The following SLMAP variants were observed in gnomAD, a reference collection of about 807,000 sequenced individuals.
SLMAP encodes sarcolemmal membrane-associated protein.
Under a neutral mutation model 128.8 loss-of-function variants are expected in SLMAP, and 44 were observed. The ratio of observed to expected loss-of-function variants is 0.34; its 90% CI spans 0.27 to 0.44. The LOEUF (loss-of-function observed/expected upper bound fraction) is 0.44. Ranked by LOEUF, SLMAP falls within the 20% of genes least tolerant of loss-of-function variation. The pLI is 1.00. For missense variants in SLMAP, 787 were observed against 985.3 expected (o/e 0.80, Z 2.69); for synonymous variants, 327 against 348.8 (o/e 0.94, Z 0.70).
At chr3:57,843,775 C>CTTTTTTTTTTTTTTTTTTTTTTTT (rs775541858) in intron 4 of SLMAP, among the ~76,000 whole-genome samples, 7 of 77,124 alleles carry the variant, frequency 9.1e-5, no homozygotes, top group African/African-American at 2.0e-4. Context: ...TCTTTTCTTT[C>CTTTTTTTTTTTTTTTTTTTTTTTT]TTTTTTTTTT....
chr3:57,777,080 T>C (rs777855552), intron 2 of SLMAP, among the ~76,000 whole-genome samples: 21 of 134,172 alleles, frequency 1.6e-4, no homozygotes, highest in Non-Finnish European at 1.1e-4. Flanking sequence ...ATGGAAGTAC[T>C]AGCGTAAGAA....
At chr3:57,924,251 A>C (rs2096963492) in intron 23 of SLMAP, among the ~76,000 whole-genome samples, 1 of 152,178 alleles carries the variant, frequency 6.6e-6, no homozygotes, top group Non-Finnish European at 1.5e-5. Context: ...CACCTATGGT[A>C]TTAAAATATT....
intron 2 of SLMAP, among the ~76,000 whole-genome samples, chr3:57,783,226 A>ACGTG (rs1038155737): frequency 4.3e-4 from 66 of 152,306 alleles, no homozygotes; most frequent in African/African-American, 1.5e-3. Flanking sequence ...AGAAGGGGAA[A>ACGTG]CGTGTATCAA....
chr3:57,916,863 G>T (rs1448450580), intron 21 of SLMAP, 43 bp from the exon 22 acceptor site: 6 of 1,560,794 alleles, frequency 3.8e-6, no homozygotes, highest in Non-Finnish European at 5.3e-6. Flanking sequence ...TCTGTGTCCA[G>T]TTTCTACCTG....
At chr3:57,774,972 C>T (rs567125062) in intron 2 of SLMAP, among the ~76,000 whole-genome samples, 5 of 152,186 alleles carry the variant, frequency 3.3e-5, no homozygotes, top group African/African-American at 1.2e-4. Context: ...ATATTTAAGT[C>T]CTGCTGCCAA....
At chr3:57,848,219 C>T (rs545989417) in intron 5 of SLMAP, among the ~76,000 whole-genome samples, 3 of 150,320 alleles carry the variant, frequency 2.0e-5, no homozygotes, top group Non-Finnish European at 4.4e-5. Flanking sequence ...CTTCTTTCCT[C>T]CTTTTCCTCC....
intron 2 of SLMAP, among the ~76,000 whole-genome samples, chr3:57,770,080 C>T (rs1201672231): frequency 6.6e-6 from 1 of 152,156 alleles, no homozygotes; most frequent in Non-Finnish European, 1.5e-5. Context: ...GATTAGAAGA[C>T]AGTATTCATT....
intron 2 of SLMAP, among the ~76,000 whole-genome samples, chr3:57,815,027 T>C (rs1033473919): frequency 3.9e-5 from 6 of 152,052 alleles, no homozygotes; most frequent in South Asian, 2.1e-4. Context: ...TCCAGCAGTC[T>C]CCAACCTTTT....
intron 18 of SLMAP, 53 bp from the exon 19 acceptor site, chr3:57,909,023 G>A: frequency 7.9e-7 from 1 of 1,262,526 alleles, no homozygotes; most frequent in Non-Finnish European, 1.1e-6. Flanking sequence ...TCAACTCTGA[G>A]TACTTTCATT....
intron 2 of SLMAP, among the ~76,000 whole-genome samples, chr3:57,814,065 GAGTT>G: frequency 6.6e-6 from 1 of 150,616 alleles, no homozygotes; most frequent in Middle Eastern, 3.5e-3. Context: ...TGAATAGAGT[GAGTT>G]ATGACCTTCT....
intron 13 of SLMAP, among the ~76,000 whole-genome samples, chr3:57,869,976 C>G (rs1560340163): frequency 6.6e-6 from 1 of 151,558 alleles, no homozygotes; most frequent in Non-Finnish European, 1.5e-5. Context: ...GGTTCTCTAT[C>G]TTTTTATATT....
At chr3:57,925,792 A>G in intron 23 of SLMAP, 53 bp from the exon 24 acceptor site, 1 of 1,305,582 alleles carries the variant, frequency 7.7e-7, no homozygotes, top group East Asian at 2.5e-5. Flanking sequence ...GAATCCTCTT[A>G]TCTGATTACT....
chr3:57,858,285 G>A, intron 8 of SLMAP, 126 bp downstream of exon 8: 2 of 648,518 alleles, frequency 3.1e-6, no homozygotes, highest in Non-Finnish European at 5.6e-6. Flanking sequence ...TAAATCTTTT[G>A]TGCTGAGAAA....
chr3:57,791,829 A>C (rs1019471532), intron 2 of SLMAP, among the ~76,000 whole-genome samples: 4 of 152,064 alleles, frequency 2.6e-5, no homozygotes, highest in Admixed American at 6.6e-5. Flanking sequence ...ATTTTAATAG[A>C]TCTGTTTATT....
intron 2 of SLMAP, among the ~76,000 whole-genome samples, chr3:57,804,838 G>A (rs894580204): frequency 6.6e-6 from 1 of 152,256 alleles, no homozygotes; most frequent in Non-Finnish European, 1.5e-5. Context: ...CACTGTAAAT[G>A]ATCTTCTCCT....
chr3:57,760,982 C>T (rs1482853169), intron 2 of SLMAP, among the ~76,000 whole-genome samples: 1 of 151,494 alleles, frequency 6.6e-6, no homozygotes, highest in Non-Finnish European at 1.5e-5. Flanking sequence ...CCACCTCAGC[C>T]TCCCAAAGTG....
At position 57,847,217 on chromosome 3, in the gene SLMAP, C is replaced by A; in HGVS notation, c.440C>A (p.Pro147Gln). ...LRSDVIHAPL[P>Q]SPVDKVAANT... The stretch of plus-strand genomic sequence containing the variant: ...TTCAGTGTCATCCATGCACCATTAC[C>A]AAGTCCTGTTGACAAAGTAAGTTGC... The change falls in exon 5 of 25, where the codon CCA becomes CAA. Residue 147 changes from proline to glutamine, a missense_variant. Around this residue, in one of 2 missense-constraint regions of SLMAP, gnomAD observed 715 missense variants for 843.6 expected, o/e 0.85. Coordinates refer to ENST00000671191, the MANE Select transcript of SLMAP (RefSeq NM_001377540.1). 1 of 1,609,426 alleles carries A rather than the reference C, an allele frequency of 6.2e-7. No individual in the cohort carries two copies. The highest frequency in any genetic ancestry group is 1.7e-5 in the Admixed American group (1 of 59,698).
At chr3:57,834,848 A>G in intron 3 of SLMAP, among the ~76,000 whole-genome samples, 1 of 152,132 alleles carries the variant, frequency 6.6e-6, no homozygotes, top group Admixed American at 6.6e-5. Flanking sequence ...AGGGTTTGGC[A>G]TAGTGGCTCA....
chr3:57,901,796 C>T (rs1482776560), intron 17 of SLMAP: 3 of 152,168 alleles, frequency 2.0e-5, no homozygotes, highest in Admixed American at 1.3e-4. Context: ...TTTTGGGAGG[C>T]CAAAGTGGGC....
Sources: gnomAD v4.1 joint callset for allele counts (sites outside exome capture counted in the v4.1 genomes callset) on GRCh38, gnomAD v4.1.1 for gene constraint, gnomAD v4.1.1 regional missense constraint, MANE v1.5 for transcripts, NCBI Gene and HGNC (gene_info 2026-07-23, HGNC 2026-07-21) for gene names.